HID1: variants seen among roughly 807,000 people sequenced by gnomAD.
The protein encoded by HID1 is protein HID1.
In HID1, 42 loss-of-function variants were observed where a neutral mutation model predicts 89.7. That is an observed-to-expected ratio of 0.47 (90% CI 0.37 to 0.61). The LOEUF is 0.61. HID1 is among the 20% of genes least tolerant of loss of function. The pLI is 0.00. For missense variants in HID1, 854 were observed against 1,039.3 expected (o/e 0.82, Z 2.45); for synonymous variants, 442 against 433.8 (o/e 1.02, Z -0.24).
In HID1 at chr17:74,962,879, C is replaced by T; in HGVS notation, c.504+86G>A. The T allele has an allele frequency of 1.1e-6, 1 of 951,388 alleles. No individual in the cohort carries two copies. Among genetic ancestry groups the T allele is most frequent in the Non-Finnish European group, 1.6e-6 (1 of 616,398 alleles). The allele number at this position is 951,388 out of a possible 1,614,324, so 58.9% of individuals were successfully genotyped here. On this transcript the variant is annotated intron_variant, in intron 4 of 18. Transcript: ENST00000425042. This position sits in a 1 kb window ranked among gnomAD's most constrained non-coding sequence, Gnocchi z 4.3. ...GGAGCCCCCCGGCCCCCAGTGCAATCCGCCCAAGGGAACTTCAACTGGCCC... is the reference window on the plus strand; with the variant it reads ...GGAGCCCCCCGGCCCCCAGTGCAATTCGCCCAAGGGAACTTCAACTGGCCC...
rs2144804234 is a variant in HID1 at position 74,956,014 on chromosome 17, C to T, written c.1472-58G>A. The stretch of plus-strand genomic sequence containing the variant: ...CCTCAGCCAAGCCATCCCTGCACAT[C>T]CTGGGCCGGGGTGGAACAACAGGCT... On this transcript the variant is annotated intron_variant, in intron 12 of 18. Coordinates refer to ENST00000425042, the MANE Select transcript of HID1 (RefSeq NM_030630.3). 2.6e-6 allele frequency: 4 copies of T among 1,550,526 alleles called. No individual in the cohort carries two copies. In the East Asian group the frequency reaches 9.0e-5, roughly 35 times the overall value.
At position 74,958,314 on chromosome 17, in the gene HID1, C is replaced by G; in HGVS notation, c.1392+13G>C. ...CCTGCACCTCCTGGGCCCGGCCGCACGAGCCCCCTCACCACAATGAGCAGG... is the reference window on the plus strand; with the variant it reads ...CCTGCACCTCCTGGGCCCGGCCGCAGGAGCCCCCTCACCACAATGAGCAGG... On this transcript the variant is annotated intron_variant, in intron 11 of 18. Transcript: ENST00000425042. The surrounding 1 kb of genome is among the most constrained non-coding windows in gnomAD (Gnocchi z 5.2). The G allele has an allele frequency of 6.2e-7, 1 of 1,612,456 alleles. No individual in the cohort carries two copies. Among genetic ancestry groups the G allele is most frequent in the Non-Finnish European group, 8.5e-7 (1 of 1,179,398 alleles).
chr17:74,961,748 A>G (rs988444676), intron 6 of HID1, 125 bp downstream of exon 6: 1 of 491,936 alleles, frequency 2.0e-6, no homozygotes, highest in African/African-American at 2.0e-5. Context: ...CTGGTAAGTT[A>G]AAGTTCATCA....
chr17:74,971,919 C>A (rs2039653204), intron 1 of HID1, among the ~76,000 whole-genome samples: 1 of 152,088 alleles, frequency 6.6e-6, no homozygotes, highest in Admixed American at 6.5e-5. Context: ...AGGCTAACAG[C>A]CTTTCCCTTG....
chr17:74,952,714 G>A (rs1215610663), intron 16 of HID1, among the ~76,000 whole-genome samples: 1 of 152,194 alleles, frequency 6.6e-6, no homozygotes, highest in Non-Finnish European at 1.5e-5. Flanking sequence ...GTCGGAAAGA[G>A]TGATTTATTA....
chr17:74,972,584 G>C lies in HID1; in HGVS notation c.66+7C>G. On this transcript the variant is annotated splice_region_variant and intron_variant, in intron 1 of 18. Coordinates refer to ENST00000425042, the MANE Select transcript of HID1 (RefSeq NM_030630.3). The surrounding 1 kb of genome is among the most constrained non-coding windows in gnomAD (Gnocchi z 6.4). ...TGGATGGGGACGCCGGGGCCCCCGT[G>C]GCGCACCTGCGTCTTGGTGGTGAGC... is the stretch of plus-strand genomic sequence containing the variant. 1.3e-6 allele frequency: 2 copies of C among 1,546,676 alleles called. No individual in the cohort carries two copies. The highest frequency in any genetic ancestry group is 2.4e-5 in the South Asian group (2 of 83,478).
chr17:74,962,267 GA>G lies in HID1; in HGVS notation c.577del (p.Ser193ProfsTer10). ...ATCGTGGATGTAGTTAGGCTGGGGG[GA>G]GTGAGCGAAGCCCACACCAGCCTCC... is the stretch of plus-strand genomic sequence containing the variant. ...IWEAGVGFAHSPQPNYIHDMN... is the reference protein window; with the variant it reads ...IWEAGVGFAHXPQPNYIHDMN... On this transcript the variant is annotated frameshift_variant, in exon 5 of 19. Transcript: ENST00000425042. LOFTEE classifies it high-confidence loss of function. This position sits in a 1 kb window ranked among gnomAD's most constrained non-coding sequence, Gnocchi z 4.3. 6.2e-7 allele frequency: 1 copy of G among 1,611,528 alleles called. No individual in the cohort carries two copies. The highest frequency in any genetic ancestry group is 2.2e-5 in the East Asian group (1 of 44,746).
chr17:74,952,482 T>A, intron 16 of HID1, 122 bp from the exon 17 acceptor site: 1 of 678,230 alleles, frequency 1.5e-6, no homozygotes, highest in Admixed American at 2.5e-5. Flanking sequence ...CCTTGCAGCA[T>A]GAGCCTGGCA....
chr17:74,964,455 G>C, intron 2 of HID1, 28 bp downstream of exon 2: 7 of 1,598,218 alleles, frequency 4.4e-6, no homozygotes, highest in Non-Finnish European at 3.4e-6. Context: ...GGGTGGAAGA[G>C]TAGCAGGAGG....
chr17:74,964,021 A>AG, intron 2 of HID1, 111 bp from the exon 3 acceptor site: 1 of 1,123,396 alleles, frequency 8.9e-7, no homozygotes, highest in South Asian at 1.4e-5. Flanking sequence ...GGGGGCACCC[A>AG]GGCTGCAGAG....
intron 1 of HID1, 103 bp from the exon 2 acceptor site, chr17:74,964,735 C>T (rs140769484): frequency 1.6e-6 from 2 of 1,233,516 alleles, no homozygotes; most frequent in Non-Finnish European, 2.2e-6. Context: ...AAGCCAGAGT[C>T]CCCCTACCTG....
rs190527254 is a variant in HID1, at chr17:74,965,715, G to A, written c.67-1083C>T. Among the ~76,000 whole-genome samples the A allele has an allele frequency of 1.8e-3, 268 of 150,556 alleles. 2 individuals are homozygous for A. The highest frequency in any genetic ancestry group is 4.7e-3 in the African/African-American group (193 of 40,912). ...GGGTGGATCACCTGATCAGGAGTTCGAGACCAGCCTGGCCAACATGGTGAA... is the reference window on the plus strand; with the variant it reads ...GGGTGGATCACCTGATCAGGAGTTCAAGACCAGCCTGGCCAACATGGTGAA... On this transcript the variant is annotated intron_variant, in intron 1 of 18. Transcript: ENST00000425042.
At position 74,957,614 on chromosome 17, in the gene HID1, A is replaced by ATTTT. The variant is rs1370551943; in HGVS notation, c.1471+526_1471+527insAAAA. Among the ~76,000 whole-genome samples, 41 of 148,552 alleles carry ATTTT rather than the reference A, an allele frequency of 2.8e-4. No homozygotes were observed. The East Asian group carries it at 4.1e-3, about 15-fold the overall frequency. ...AATTGTTAAATTTTTTTTTTTTAAAAAAAGGCCAGATGCAGTGGCTCATGC... is the reference window on the plus strand; with the variant it reads ...AATTGTTAAATTTTTTTTTTTTAAAATTTTAAAGGCCAGATGCAGTGGCTCATGC... On this transcript the variant is annotated intron_variant, in intron 12 of 18. Coordinates refer to ENST00000425042, the MANE Select transcript of HID1 (RefSeq NM_030630.3).
At chr17:74,961,726 T>C (rs949934855) in intron 6 of HID1, 147 bp downstream of exon 6, 14 of 436,666 alleles carry the variant, frequency 3.2e-5, no homozygotes, top group African/African-American at 2.6e-4. Context: ...ACGGGGCTAG[T>C]GTGAGGTGTG....
chr17:74,963,453 C>T, intron 3 of HID1: 1 of 516,058 alleles, frequency 1.9e-6, no homozygotes, highest in Non-Finnish European at 3.4e-6. Flanking sequence ...CTCCGGCCCT[C>T]AGAGGGCCCA....
intron 6 of HID1, 123 bp downstream of exon 6, chr17:74,961,750 A>G: frequency 2.0e-6 from 1 of 498,552 alleles, no homozygotes; most frequent in Non-Finnish European, 3.5e-6. Context: ...GGTAAGTTAA[A>G]GTTCATCACC....
chr17:74,954,081 G>T, intron 14 of HID1, 57 bp downstream of exon 14: 1 of 1,474,924 alleles, frequency 6.8e-7, no homozygotes, highest in Non-Finnish European at 9.3e-7. Context: ...CCGAGACCAT[G>T]TCCCTCCCCC....
intron 2 of HID1, 93 bp downstream of exon 2, chr17:74,964,390 C>G: frequency 1.4e-6 from 2 of 1,396,662 alleles, no homozygotes; most frequent in Non-Finnish European, 1.9e-6. Context: ...GGCTGCCTGC[C>G]CCTGTGGGGC....
At chr17:74,956,227 C>CA (rs933029422) in intron 12 of HID1, among the ~76,000 whole-genome samples, 18 of 152,170 alleles carry the variant, frequency 1.2e-4, no homozygotes, top group African/African-American at 4.3e-4. Flanking sequence ...CAGTCCCCCC[C>CA]ATACCACGAG....
Sources: allele counts gnomAD v4.1 joint callset (sites outside exome capture counted in the v4.1 genomes callset), GRCh38; gene constraint gnomAD v4.1.1; non-coding constraint Gnocchi (gnomAD v3.1); transcripts MANE v1.5; gene names NCBI Gene and HGNC (gene_info 2026-07-23, HGNC 2026-07-21).